IL12RB2: variants seen among roughly 807,000 people sequenced by gnomAD.
IL12RB2 encodes the protein interleukin-12 receptor subunit beta-2.
In IL12RB2, 82 loss-of-function variants were observed where a neutral mutation model predicts 89.4. The observed-to-expected ratio is 0.92, with a 90% confidence interval of 0.77 to 1.10. The LOEUF is 1.10. Ranked by LOEUF, IL12RB2 falls within the 50% of genes least tolerant of loss-of-function variation. The probability of loss-of-function intolerance (pLI) is 0.00; values close to 1 mark genes in which losing one functional copy is unlikely to be tolerated. For synonymous variants in IL12RB2, 368 were observed against 370.1 expected, an observed-to-expected ratio of 0.99 and a Z score of 0.07; for missense variants, 963 against 1,031.9, an observed-to-expected ratio of 0.93 and a Z score of 0.92.
rs141833813 is a variant in IL12RB2, at chr1:67,349,154, C to T, written c.1039-1716C>T. 3.6e-3 allele frequency among the ~76,000 whole-genome samples: 545 copies of T among 152,296 alleles called. 2 individuals carry two copies. The highest frequency in any genetic ancestry group is 0.013 in the African/African-American group (522 of 41,558). On this transcript the variant is annotated intron_variant, in intron 9 of 16. Coordinates refer to ENST00000674203, the MANE Select transcript of IL12RB2 (RefSeq NM_001374259.2). The stretch of plus-strand genomic sequence containing the variant: ...TTCCTTTAGCACTTTACTATTATAT[C>T]AAATGAGATTTCTGGGATGTCTATG...
At chr1:67,309,902 C>T (rs564511319) in intron 1 of IL12RB2, among the ~76,000 whole-genome samples, 10 of 152,120 alleles carry the variant, frequency 6.6e-5, no homozygotes, top group East Asian at 3.9e-4. Flanking sequence ...TGGCGGGACA[C>T]GGTGTCTCAT....
At chr1:67,327,295 G>C (rs1657468180) in intron 5 of IL12RB2, among the ~76,000 whole-genome samples, 1 of 152,160 alleles carries the variant, frequency 6.6e-6, no homozygotes. Context: ...AGAAGCAATA[G>C]ATACTTCTAG....
At chr1:67,347,635 T>A (rs1440321511) in intron 9 of IL12RB2, among the ~76,000 whole-genome samples, 2 of 152,160 alleles carry the variant, frequency 1.3e-5, no homozygotes, top group African/African-American at 4.8e-5. Flanking sequence ...CCATAATAAA[T>A]TTAAATCATT....
intron 10 of IL12RB2, among the ~76,000 whole-genome samples, chr1:67,367,534 G>A (rs1295603231): frequency 6.9e-6 from 1 of 145,464 alleles, no homozygotes; most frequent in South Asian, 2.5e-4. Context: ...AGGGAGGAAG[G>A]GAGGGAAGGA....
At chr1:67,330,038 G>T (rs184621288) in intron 7 of IL12RB2, among the ~76,000 whole-genome samples, 17 of 152,036 alleles carry the variant, frequency 1.1e-4, no homozygotes, top group South Asian at 4.2e-4. Context: ...ATTTAAAAAA[G>T]ATATTGAAAA....
At chr1:67,384,746 A>G (rs974766257) in intron 14 of IL12RB2, among the ~76,000 whole-genome samples, 5 of 152,164 alleles carry the variant, frequency 3.3e-5, no homozygotes, top group African/African-American at 1.2e-4. Context: ...CAAAGTTCCA[A>G]AGATCTCTGG....
intron 8 of IL12RB2, among the ~76,000 whole-genome samples, chr1:67,336,811 C>T (rs913590994): frequency 5.3e-5 from 8 of 152,214 alleles, no homozygotes; most frequent in African/African-American, 1.9e-4. Flanking sequence ...AGCCTGGCAT[C>T]TCTGATGATT....
In IL12RB2 at chr1:67,386,629, A is replaced by T. The variant is rs1665181116; in HGVS notation, c.1906A>T (p.Ile636Phe). 3.1e-6 allele frequency: 5 copies of T among 1,613,638 alleles called. No homozygotes were observed. Among genetic ancestry groups the T allele is most frequent in the Non-Finnish European group, 4.2e-6 (5 of 1,179,760 alleles). Residue 636 changes from isoleucine to phenylalanine, a missense_variant, in exon 15 of 17, where the codon ATC becomes TTC. Coordinates refer to ENST00000674203, the MANE Select transcript of IL12RB2 (RefSeq NM_001374259.2). Reference protein sequence around the residue: ...FVAPSICIAIIMVGIFSTHYF... With the variant: ...FVAPSICIAIFMVGIFSTHYF... ...GGCACCAAGCATTTGCATTGCTATC[A>T]TCATGGTGGGCATTTTCTCAACGCA... is the stretch of plus-strand genomic sequence containing the variant.
At position 67,367,872 on chromosome 1, in the gene IL12RB2, A is replaced by T; in HGVS notation, c.1306A>T (p.Asn436Tyr). 6.2e-7 allele frequency: 1 copy of T among 1,610,424 alleles called. No homozygotes were observed. Among genetic ancestry groups the T allele is most frequent in the African/African-American group, 1.3e-5 (1 of 74,964 alleles). ...CTCTGCAAACTCAGAGGGCATGGACAACATTCTGGTGACTTGGCAGCCTCC... is the reference window on the plus strand; with the variant it reads ...CTCTGCAAACTCAGAGGGCATGGACTACATTCTGGTGACTTGGCAGCCTCC... ...QVSANSEGMD[N>Y]ILVTWQPPRK... Residue 436 changes from asparagine (N) to tyrosine (Y), a missense_variant, in exon 11 of 17, where the codon AAC becomes TAC. Coordinates refer to ENST00000674203, the MANE Select transcript of IL12RB2 (RefSeq NM_001374259.2).
chr1:67,367,562 A>G (rs1662844420), intron 10 of IL12RB2, among the ~76,000 whole-genome samples: 1 of 151,898 alleles, frequency 6.6e-6, no homozygotes, highest in Non-Finnish European at 1.5e-5. Context: ...GAAGGAAGGA[A>G]AAGTAAAGAA....
intron 1 of IL12RB2, among the ~76,000 whole-genome samples, chr1:67,309,076 A>G (rs1654681189): frequency 6.6e-6 from 1 of 151,820 alleles, no homozygotes; most frequent in South Asian, 2.1e-4. Flanking sequence ...ACACACATAC[A>G]CATATATATA....
In IL12RB2 at chr1:67,367,958, G is replaced by C; in HGVS notation, c.1392G>C (p.Gly464=). Residue 464 remains glycine, a synonymous_variant, in exon 11 of 17, where the codon GGG becomes GGC. Transcript: ENST00000674203. The stretch of plus-strand genomic sequence containing the variant: ...TGGAATGGAGAGAGCTCCATCCAGG[G>C]GGTGACACACAGGTCCCTCTAAACT... ...YVVEWRELHP[G]GDTQVPLNWL... is the part of the protein sequence containing the mutation. 1.2e-6 allele frequency: 2 copies of C among 1,610,606 alleles called. No homozygotes were observed. The highest frequency in any genetic ancestry group is 1.7e-5 in the Admixed American group (1 of 60,004).
Position 67,321,643 on chromosome 1 carries a change from G to A in IL12RB2, c.118G>A (p.Val40Ile), listed in dbSNP as rs201942133. 7.5e-6 allele frequency: 12 copies of A among 1,606,760 alleles called. No individual in the cohort carries two copies. In the Admixed American group the frequency reaches 1.3e-4, roughly 18 times the overall value. The stretch of plus-strand genomic sequence containing the variant: ...CGATGTGACTGTGAAGCCTTCCCAT[G>A]TAATTTTACTTGGATCCACTGTCAA... ...RGDVTVKPSHVILLGSTVNIT... is the reference protein window; with the variant it reads ...RGDVTVKPSHIILLGSTVNIT... Residue 40 changes from valine (V) to isoleucine (I), a missense_variant, in exon 4 of 17, where the codon GTA (valine) becomes ATA (isoleucine). Transcript: ENST00000674203.
At chr1:67,308,240 C>T (rs1569638423) in intron 1 of IL12RB2, among the ~76,000 whole-genome samples, 1 of 151,906 alleles carries the variant, frequency 6.6e-6, no homozygotes, top group African/African-American at 2.4e-5. Flanking sequence ...GGGGAGGGAG[C>T]GCGCGGACTG....
chr1:67,395,984 C>A lies in IL12RB2; in HGVS notation c.2484C>A (p.Ser828=). The A allele has an allele frequency of 6.2e-7, 1 of 1,604,790 alleles. No individual in the cohort carries two copies. The highest frequency in any genetic ancestry group is 8.5e-7 in the Non-Finnish European group (1 of 1,171,444). The change falls in exon 17 of 17, where the codon TCC becomes TCA. Residue 828 remains serine, a synonymous_variant. Coordinates refer to ENST00000674203, the MANE Select transcript of IL12RB2 (RefSeq NM_001374259.2). ...SLEELEPQHI[S]LSVFPSSSLH... is the part of the protein sequence containing the mutation. ...AAGAACTGGAGCCTCAGCACATCTC[C>A]CTTTCTGTTTTCCCCTCAAGTTCTC...
At chr1:67,353,073 T>C (rs950880628) in intron 10 of IL12RB2, among the ~76,000 whole-genome samples, 1 of 152,258 alleles carries the variant, frequency 6.6e-6, no homozygotes, top group African/African-American at 2.4e-5. Flanking sequence ...GAAAAATTGT[T>C]TGAAACAGTG....
chr1:67,327,594 A>G (rs1657504107), intron 5 of IL12RB2, among the ~76,000 whole-genome samples: 1 of 152,158 alleles, frequency 6.6e-6, no homozygotes. Context: ...TTAAAGCACC[A>G]TTGGCTGACC....
intron 10 of IL12RB2, among the ~76,000 whole-genome samples, chr1:67,354,001 A>G (rs558811054): frequency 1.3e-5 from 2 of 152,306 alleles, no homozygotes; most frequent in East Asian, 3.9e-4. Flanking sequence ...TTGAGCATAC[A>G]CTATATAAGG....
Position 67,329,584 on chromosome 1 carries a change from T to A in IL12RB2, c.665-3T>A, listed in dbSNP as rs747863379. ...ACACTTTTTTGTTTGTCCTGGTTAC[T>A]AGTGAGGCCTCTTCCTCCGTGGGAC... On this transcript the variant is annotated splice_polypyrimidine_tract_variant and splice_region_variant and intron_variant, in intron 6 of 16. Coordinates refer to ENST00000674203, the MANE Select transcript of IL12RB2 (RefSeq NM_001374259.2). 3.2e-6 allele frequency: 5 copies of A among 1,566,486 alleles called. No homozygotes were observed. In the Admixed American group the frequency reaches 8.3e-5, roughly 26 times the overall value.
Sources: allele counts gnomAD v4.1 joint callset (sites outside exome capture counted in the v4.1 genomes callset), GRCh38; gene constraint gnomAD v4.1.1; transcripts MANE v1.5; gene names NCBI Gene and HGNC (gene_info 2026-07-23, HGNC 2026-07-21).